CHSY3: variants seen among roughly 807,000 people sequenced by gnomAD.
CHSY3 encodes the protein N-acetylgalactosaminyl-proteoglycan 3-beta-glucuronosyltransferase 3.
CHSY3 carries 35 observed loss-of-function variants against 67.2 expected under a neutral mutation model. That is an observed-to-expected ratio of 0.52 (90% CI 0.40 to 0.69). The LOEUF (loss-of-function observed/expected upper bound fraction) is 0.69, where lower values mean the gene tolerates loss of function less well. Ranked by LOEUF, CHSY3 falls within the 30% of genes least tolerant of loss-of-function variation. CHSY3 has a pLI of 0.00. For missense variants in CHSY3, 1,069 were observed against 1,138.5 expected, an observed-to-expected ratio of 0.94 and a Z score of 0.88; for synonymous variants, 474 against 434.7, an observed-to-expected ratio of 1.09 and a Z score of -1.12.
rs79488291 is a variant in CHSY3, at chr5:129,968,581, T to G, written c.1086+60221T>G. 6.6e-4 allele frequency among the ~76,000 whole-genome samples: 100 copies of G among 151,902 alleles called. 5 individuals carry two copies. The East Asian group carries it at 0.019, about 29-fold the overall frequency. On this transcript the variant is annotated intron_variant, in intron 2 of 2. Transcript: ENST00000305031. ...TTTTGATGTGAACAGTGTTTAGTCA[T>G]CTCATCTGACTGGTTTCTCACTAGT...
chr5:130,020,392 C>T (rs1030979932), intron 2 of CHSY3, among the ~76,000 whole-genome samples: 25 of 144,012 alleles, frequency 1.7e-4, no homozygotes, highest in Non-Finnish European at 3.0e-4. Context: ...TGCACTCCAA[C>T]CTGGGCAACA....
intron 2 of CHSY3, among the ~76,000 whole-genome samples, chr5:130,183,988 TTA>T (rs202043732): frequency 0.011 from 1,707 of 151,582 alleles, 40 homozygotes; most frequent in African/African-American, 0.04. Flanking sequence ...TCTCTATATA[TTA>T]TATATATATA....
chr5:129,924,034 A>G (rs377189629), intron 2 of CHSY3, among the ~76,000 whole-genome samples: 1 of 152,214 alleles, frequency 6.6e-6, no homozygotes, highest in African/African-American at 2.4e-5. Flanking sequence ...AGTTTAATTT[A>G]AGATTTGATT....
chr5:130,158,396 T>C (rs1367125554), intron 2 of CHSY3, among the ~76,000 whole-genome samples: 1 of 152,358 alleles, frequency 6.6e-6, no homozygotes, highest in African/African-American at 2.4e-5. Flanking sequence ...GTAGAGGTGC[T>C]GTATCCTGTT....
At chr5:129,910,497 T>C (rs11746183) in intron 2 of CHSY3, among the ~76,000 whole-genome samples, 4,970 of 152,132 alleles carry the variant, frequency 0.033, 116 homozygotes, top group Middle Eastern at 0.079. Context: ...GAGGCATTGA[T>C]TTAATTCTAA....
chr5:130,148,294 A>G (rs1313819093), intron 2 of CHSY3, among the ~76,000 whole-genome samples: 2 of 152,048 alleles, frequency 1.3e-5, no homozygotes, highest in Admixed American at 6.6e-5. Context: ...TTATTAGTCT[A>G]TCATTTATAG....
intron 2 of CHSY3, among the ~76,000 whole-genome samples, chr5:130,067,549 A>G (rs1274385174): frequency 1.3e-5 from 2 of 152,106 alleles, no homozygotes; most frequent in Non-Finnish European, 1.5e-5. Context: ...TTTGTTTAGC[A>G]GAGTTAAAGC....
At chr5:129,948,035 A>G (rs1761911336) in intron 2 of CHSY3, among the ~76,000 whole-genome samples, 1 of 152,138 alleles carries the variant, frequency 6.6e-6, no homozygotes, top group Non-Finnish European at 1.5e-5. Flanking sequence ...TTGTTTGCAA[A>G]TATTTTCTCC....
At chr5:130,147,122 T>C (rs1239418156) in intron 2 of CHSY3, among the ~76,000 whole-genome samples, 2 of 152,168 alleles carry the variant, frequency 1.3e-5, no homozygotes, top group African/African-American at 4.8e-5. Context: ...ATGGCAGTAC[T>C]GCTTGCCTTG....
At chr5:130,033,888 A>G (rs1465783963) in intron 2 of CHSY3, among the ~76,000 whole-genome samples, 1 of 152,196 alleles carries the variant, frequency 6.6e-6, no homozygotes, top group Non-Finnish European at 1.5e-5. Flanking sequence ...CTCAGAACAA[A>G]TTAAAGAAAT....
At position 129,904,930 on chromosome 5, in the gene CHSY3, T is replaced by C; in HGVS notation, c.101T>C (p.Leu34Pro). The C allele has an allele frequency of 1.3e-6, 2 of 1,545,794 alleles. No homozygotes were observed. The highest frequency in any genetic ancestry group is 1.7e-6 in the Non-Finnish European group (2 of 1,149,270). The change falls in exon 1 of 3, where the codon CTG becomes CCG. Residue 34 changes from leucine (L) to proline (P), a missense_variant. Leu to Pro is a moderately conservative substitution (Grantham distance 98). Transcript: ENST00000305031. ...CTCATCGCCCCCAGGGTGGCGGAGC[T>C]GAGCGAGAGGAAGAGACGTGGCTCC... ...SWLIAPRVAE[L>P]SERKRRGSSL...
intron 2 of CHSY3, among the ~76,000 whole-genome samples, chr5:130,054,067 G>A (rs1056849704): frequency 6.6e-6 from 1 of 152,118 alleles, no homozygotes; most frequent in Non-Finnish European, 1.5e-5. Flanking sequence ...TGGAAAGCCT[G>A]TCGTCAAATA....
chr5:130,042,521 G>C (rs921507358), intron 2 of CHSY3, among the ~76,000 whole-genome samples: 5 of 151,960 alleles, frequency 3.3e-5, no homozygotes. Context: ...CATTTTATTT[G>C]ATAGCAACCT....
chr5:129,928,915 A>G (rs1761206293), intron 2 of CHSY3, among the ~76,000 whole-genome samples: 1 of 152,168 alleles, frequency 6.6e-6, no homozygotes, highest in Non-Finnish European at 1.5e-5. Flanking sequence ...GAGAAATTTA[A>G]TAACTTGCCC....
Position 129,992,344 on chromosome 5 carries a change from G to A in CHSY3, c.1086+83984G>A, listed in dbSNP as rs149102644. Among the ~76,000 whole-genome samples the A allele has an allele frequency of 3.8e-3, 580 of 152,242 alleles. 7 individuals are homozygous for A. Among genetic ancestry groups the A allele is most frequent in the African/African-American group, 0.013 (544 of 41,550 alleles). Reference sequence around the variant, plus strand: ...AGCCAAAGTATATTTTGGAAGGAATGAGTATGTCCCCTACTTTTATTTATT... The same window carrying A: ...AGCCAAAGTATATTTTGGAAGGAATAAGTATGTCCCCTACTTTTATTTATT... On this transcript the variant is annotated intron_variant, in intron 2 of 2. Coordinates refer to ENST00000305031, the MANE Select transcript of CHSY3 (RefSeq NM_175856.5).
chr5:130,011,544 T>C (rs1212713271), intron 2 of CHSY3, among the ~76,000 whole-genome samples: 1 of 152,168 alleles, frequency 6.6e-6, no homozygotes, highest in Non-Finnish European at 1.5e-5. Flanking sequence ...CCTGGAAGCA[T>C]TCCTTTGAGA....
chr5:130,022,392 C>G (rs1764417913), intron 2 of CHSY3, among the ~76,000 whole-genome samples: 2 of 151,946 alleles, frequency 1.3e-5, no homozygotes, highest in African/African-American at 2.4e-5. Flanking sequence ...CATAACATTA[C>G]ATTTGGATTG....
rs554948070 is a variant in CHSY3, at chr5:130,157,670, G to A, written c.1087-26559G>A. On this transcript the variant is annotated intron_variant, in intron 2 of 2. Coordinates refer to ENST00000305031, the MANE Select transcript of CHSY3 (RefSeq NM_175856.5). ...AGGGCTCCCGATCCAGACCCCAAAA[G>A]AGGGTTCCTGGATTTCGAGCAAGAA... 2.6e-5 allele frequency among the ~76,000 whole-genome samples: 4 copies of A among 152,342 alleles called. 1 individual carries two copies. In the South Asian group the frequency reaches 8.3e-4, roughly 32 times the overall value.
Position 129,904,685 on chromosome 5 carries a change from C to T in CHSY3, c.-145C>T. ...GGCAGTCGAGGCGTCCGCGGCGCTT[C>T]GACCTCCAGCCGGTGTCGGCGCCTA... On this transcript the variant is annotated 5_prime_UTR_variant, in exon 1 of 3. Coordinates refer to ENST00000305031, the MANE Select transcript of CHSY3 (RefSeq NM_175856.5). 8.4e-7 allele frequency: 1 copy of T among 1,188,102 alleles called. No homozygotes were observed. Among genetic ancestry groups the T allele is most frequent in the Middle Eastern group, 3.3e-4 (1 of 3,044 alleles). The allele number at this position is 1,188,102 out of a possible 1,614,324, so 73.6% of individuals were successfully genotyped here. A position where few individuals can be genotyped will look rare whatever the true frequency, so the allele number is the denominator to read the frequency against.
Sources: allele counts gnomAD v4.1 joint callset (sites outside exome capture counted in the v4.1 genomes callset), GRCh38; gene constraint gnomAD v4.1.1; transcripts MANE v1.5; gene names NCBI Gene and HGNC (gene_info 2026-07-23, HGNC 2026-07-21).